CREB5: variants seen among roughly 807,000 people sequenced by gnomAD.
CREB5 encodes cyclic AMP-responsive element-binding protein 5.
Under a neutral mutation model 57.1 loss-of-function variants are expected in CREB5, and 19 were observed. That is an observed-to-expected ratio of 0.33 (90% CI 0.23 to 0.49). The LOEUF (loss-of-function observed/expected upper bound fraction) is 0.49, where lower values mean the gene tolerates loss of function less well. CREB5 is among the 20% of genes least tolerant of loss of function. The pLI is 0.99. For synonymous variants in CREB5, 238 were observed against 238.3 expected, an observed-to-expected ratio of 1.00 and a Z score of 0.01; for missense variants, 579 against 671.6, an observed-to-expected ratio of 0.86 and a Z score of 1.52.
At chr7:28,656,911 C>T (rs1051088611) in intron 5 of CREB5, among the ~76,000 whole-genome samples, 2 of 151,956 alleles carry the variant, frequency 1.3e-5, no homozygotes, top group Non-Finnish European at 2.9e-5. Context: ...TAGCCCTTCT[C>T]TCAGTGTCCT....
At chr7:28,416,067 A>G (rs1788012089) in intron 1 of CREB5, among the ~76,000 whole-genome samples, 1 of 152,300 alleles carries the variant, frequency 6.6e-6, no homozygotes, top group African/African-American at 2.4e-5. Context: ...TTAAGATGAT[A>G]TTTAGTCTGT....
At chr7:28,719,454 G>A (rs1802891624) in intron 6 of CREB5, among the ~76,000 whole-genome samples, 1 of 152,184 alleles carries the variant, frequency 6.6e-6, no homozygotes, top group Non-Finnish European at 1.5e-5. Context: ...TTTGAATGAG[G>A]AAAGAAAGGC....
At chr7:28,462,588 G>A (rs888686376) in intron 1 of CREB5, among the ~76,000 whole-genome samples, 11 of 152,142 alleles carry the variant, frequency 7.2e-5, no homozygotes, top group Admixed American at 1.3e-4. Flanking sequence ...AACACTTTCC[G>A]GGGTCATTTT....
intron 4 of CREB5, among the ~76,000 whole-genome samples, chr7:28,508,375 G>A (rs1792569980): frequency 6.6e-6 from 1 of 152,204 alleles, no homozygotes; most frequent in Non-Finnish European, 1.5e-5. Flanking sequence ...TCAATGTGAT[G>A]AGGATGCTTT....
chr7:28,504,342 A>G (rs1012652120), intron 3 of CREB5, among the ~76,000 whole-genome samples: 1 of 152,234 alleles, frequency 6.6e-6, no homozygotes, highest in African/African-American at 2.4e-5. Context: ...AAGAACAGGC[A>G]CCAGTCAGCT....
intron 1 of CREB5, among the ~76,000 whole-genome samples, chr7:28,311,842 A>G (rs1203150280): frequency 2.0e-5 from 3 of 152,170 alleles, no homozygotes. Context: ...CAAAAGCGTC[A>G]CGTGGCAGGC....
chr7:28,433,617 A>G (rs898963831), intron 1 of CREB5, among the ~76,000 whole-genome samples: 1 of 152,162 alleles, frequency 6.6e-6, no homozygotes, highest in African/African-American at 2.4e-5. Context: ...GATTACAGGC[A>G]TGTGCCGCCA....
chr7:28,513,531 A>C (rs1792807792), intron 4 of CREB5: 1 of 149,492 alleles, frequency 6.7e-6, no homozygotes, highest in African/African-American at 2.5e-5. Flanking sequence ...CCACCACCCC[A>C]ATGACTGAAA....
At chr7:28,735,355 AGAGATGTGTTTGTGTCATTCAC>A (rs1803912044) in intron 7 of CREB5, among the ~76,000 whole-genome samples, 1 of 152,244 alleles carries the variant, frequency 6.6e-6, no homozygotes, top group Admixed American at 6.5e-5. Flanking sequence ...GAAATAAATC[AGAGATGTGTTTGTGTCATTCAC>A]AATGTTCTGA....
At chr7:28,341,475 C>T (rs1785935418) in intron 1 of CREB5, among the ~76,000 whole-genome samples, 1 of 152,184 alleles carries the variant, frequency 6.6e-6, no homozygotes, top group Non-Finnish European at 1.5e-5. Context: ...AGATGAAACT[C>T]TGACTCTTAC....
chr7:28,459,621 C>T (rs993483594), intron 1 of CREB5, among the ~76,000 whole-genome samples: 1 of 152,152 alleles, frequency 6.6e-6, no homozygotes, highest in African/African-American at 2.4e-5. Flanking sequence ...AGATGGCAGA[C>T]ATGGATACAC....
chr7:28,745,346 T>A (rs1804630503), intron 7 of CREB5, among the ~76,000 whole-genome samples: 1 of 152,198 alleles, frequency 6.6e-6, no homozygotes, highest in Admixed American at 6.5e-5. Flanking sequence ...GATTTTGAGG[T>A]CCTTGTGCTG....
At position 28,371,130 on chromosome 7, in the gene CREB5, G is replaced by A. The variant is rs566461450; in HGVS notation, c.-25+71689G>A. The stretch of plus-strand genomic sequence containing the variant: ...AAAGGTTCAGAAAGTGGCAGACAGC[G>A]ACAGCTGGGGGAAACCAGAAGAGGT... On this transcript the variant is annotated intron_variant, in intron 1 of 9. Coordinates refer to the CREB5 transcript ENST00000396299. 3.3e-5 allele frequency among the ~76,000 whole-genome samples: 5 copies of A among 152,288 alleles called. No individual in the cohort carries two copies. In the South Asian group the frequency reaches 8.3e-4, roughly 25 times the overall value.
intron 1 of CREB5, among the ~76,000 whole-genome samples, chr7:28,340,429 ATGT>A (rs1785915157): frequency 6.6e-6 from 1 of 152,164 alleles, no homozygotes; most frequent in South Asian, 2.1e-4. Context: ...GTATATAGAA[ATGT>A]TGTCTGGGAG....
At chr7:28,414,372 A>T (rs573259790) in intron 1 of CREB5, among the ~76,000 whole-genome samples, 3 of 151,948 alleles carry the variant, frequency 2.0e-5, no homozygotes, top group Non-Finnish European at 4.4e-5. Flanking sequence ...TTTGACTACC[A>T]GCTGTATTAT....
At chr7:28,742,155 T>G (rs1804395149) in intron 7 of CREB5, among the ~76,000 whole-genome samples, 1 of 152,114 alleles carries the variant, frequency 6.6e-6, no homozygotes, top group Admixed American at 6.6e-5. Context: ...AATTGATTCT[T>G]ATTACCATTG....
chr7:28,543,179 A>G (rs985589534), intron 4 of CREB5, among the ~76,000 whole-genome samples: 3 of 152,174 alleles, frequency 2.0e-5, no homozygotes, highest in Non-Finnish European at 4.4e-5. Flanking sequence ...ATTTTTTAAG[A>G]ATAAAAGCAA....
chr7:28,696,477 G>C (rs968880815), intron 5 of CREB5, among the ~76,000 whole-genome samples: 3 of 152,080 alleles, frequency 2.0e-5, no homozygotes, highest in African/African-American at 4.8e-5. Context: ...CCAGTGTTTT[G>C]TACCATTTCT....
chr7:28,396,604 G>A lies in CREB5; in HGVS notation c.-25+97163G>A, dbSNP rs145691630. ...ATGATGTCAGGAGGATATTATTTAA[G>A]TACTTAATGGGATCAGAGGCTTAGT... On this transcript the variant is annotated intron_variant, in intron 1 of 9. Coordinates refer to the CREB5 transcript ENST00000396299. Among the ~76,000 whole-genome samples the A allele has an allele frequency of 5.9e-3, 895 of 152,248 alleles. 10 individuals are homozygous for A. Among genetic ancestry groups the A allele is most frequent in the African/African-American group, 0.02 (848 of 41,542 alleles).
Sources: allele counts gnomAD v4.1 joint callset (sites outside exome capture counted in the v4.1 genomes callset), GRCh38; gene constraint gnomAD v4.1.1; transcripts MANE v1.5; gene names NCBI Gene and HGNC (gene_info 2026-07-23, HGNC 2026-07-21).